PCSK6: variants seen among roughly 807,000 people sequenced by gnomAD.
PCSK6 encodes the protein proprotein convertase subtilisin/kexin type 6, also known as paired basic amino acid cleaving enzyme 4.
In PCSK6, 85 loss-of-function variants were observed where a neutral mutation model predicts 123.3. That is an observed-to-expected ratio of 0.69 (90% confidence interval 0.58 to 0.83). The LOEUF (loss-of-function observed/expected upper bound fraction) is 0.83. Ranked by LOEUF, PCSK6 falls within the 40% of genes least tolerant of loss-of-function variation. The probability of loss-of-function intolerance (pLI) is 0.00; values close to 1 mark genes in which losing one functional copy is unlikely to be tolerated. For missense variants in PCSK6, 1,191 were observed against 1,282.3 expected, an observed-to-expected ratio of 0.93 and a Z score of 1.09; for synonymous variants, 508 against 516.0, an observed-to-expected ratio of 0.98 and a Z score of 0.21.
intron 5 of PCSK6, 87 bp downstream of exon 5, chr15:101,429,900 G>A (rs1016276963): frequency 7.7e-5 from 90 of 1,174,372 alleles, no homozygotes; most frequent in Middle Eastern, 2.4e-4. Flanking sequence ...GGCAGCCACC[G>A]CCTCTCCAGC....
rs150746156 is a variant in PCSK6, at chr15:101,326,538, C to A, written c.2078-59G>T. The A allele has an allele frequency of 3.2e-5, 46 of 1,434,030 alleles. No individual in the cohort carries two copies. In the African/African-American group the frequency reaches 3.5e-4, roughly 11 times the overall value. The allele number at this position is 1,434,030 out of a possible 1,614,324, so 88.8% of individuals were successfully genotyped here. A position where few individuals can be genotyped will look rare whatever the true frequency, so the allele number is the denominator to read the frequency against. On this transcript the variant is annotated intron_variant, in intron 15 of 21. Coordinates refer to ENST00000611716, the MANE Select transcript of PCSK6 (RefSeq NM_002570.5). ...AGACGCCTTCTCCATCTACTGCAGT[C>A]CCGCGGATCCCTGTGTCAGGATATC...
At chr15:101,423,093 G>A (rs142248823) in intron 6 of PCSK6, among the ~76,000 whole-genome samples, 2 of 152,280 alleles carry the variant, frequency 1.3e-5, no homozygotes, top group Non-Finnish European at 2.9e-5. Flanking sequence ...TGGCCTAGAT[G>A]TTGGAATTAA....
intron 6 of PCSK6, among the ~76,000 whole-genome samples, chr15:101,400,851 T>C (rs373133106): frequency 1.9e-3 from 297 of 152,386 alleles, no homozygotes; most frequent in Middle Eastern, 6.8e-3. Context: ...ATGATTTCGC[T>C]GCAGTAAATT....
At chr15:101,325,557 G>C (rs928757652) in intron 16 of PCSK6, among the ~76,000 whole-genome samples, 1 of 152,230 alleles carries the variant, frequency 6.6e-6, no homozygotes, top group African/African-American at 2.4e-5. Context: ...GTTGGTGGGT[G>C]CATCTGTCAC....
At chr15:101,434,095 C>A (rs2056527000) in intron 2 of PCSK6, among the ~76,000 whole-genome samples, 1 of 152,234 alleles carries the variant, frequency 6.6e-6, no homozygotes, top group Non-Finnish European at 1.5e-5. Context: ...GTTCCTAACA[C>A]CGGCTGATGG....
intron 15 of PCSK6, among the ~76,000 whole-genome samples, chr15:101,329,210 G>A (rs2040323650): frequency 6.6e-6 from 1 of 152,176 alleles, no homozygotes; most frequent in Admixed American, 6.5e-5. Flanking sequence ...AATCCTTTGT[G>A]GAGGAAATCC....
intron 19 of PCSK6, among the ~76,000 whole-genome samples, 200 bp downstream of exon 19, chr15:101,318,119 C>T (rs2040034804): frequency 6.6e-6 from 1 of 152,256 alleles, no homozygotes; most frequent in Non-Finnish European, 1.5e-5. Context: ...CAAGTTGAGA[C>T]TCTGTAACCA....
intron 19 of PCSK6, among the ~76,000 whole-genome samples, chr15:101,314,291 G>A (rs867385976): frequency 7.2e-5 from 11 of 152,212 alleles, no homozygotes; most frequent in Non-Finnish European, 1.6e-4. Context: ...TGGGTCAGAT[G>A]TTGGACTAGT....
intron 18 of PCSK6, among the ~76,000 whole-genome samples, chr15:101,321,202 T>G (rs1259216291): frequency 6.6e-6 from 1 of 152,184 alleles, no homozygotes; most frequent in African/African-American, 2.4e-5. Context: ...TCCTTCCTCT[T>G]CCAACTCTTT....
At chr15:101,321,735 G>C (rs1373988791) in intron 18 of PCSK6, among the ~76,000 whole-genome samples, 2 of 152,268 alleles carry the variant, frequency 1.3e-5, no homozygotes, top group Admixed American at 6.5e-5. Context: ...CCTCACCACT[G>C]CCAGCCTGCG....
intron 11 of PCSK6, among the ~76,000 whole-genome samples, chr15:101,371,300 C>G (rs2141470251): frequency 6.6e-6 from 1 of 152,294 alleles, no homozygotes; most frequent in Non-Finnish European, 1.5e-5. Flanking sequence ...GGCGGCTTCT[C>G]CTCGGTGGCA....
At chr15:101,315,621 TGTG>T (rs1386370860) in intron 19 of PCSK6, among the ~76,000 whole-genome samples, 3 of 152,268 alleles carry the variant, frequency 2.0e-5, no homozygotes, top group Non-Finnish European at 2.9e-5. Context: ...CTTGGTCTGT[TGTG>T]GTGTTTCTCA....
At chr15:101,409,743 C>G (rs1264428851) in intron 6 of PCSK6, among the ~76,000 whole-genome samples, 1 of 152,112 alleles carries the variant, frequency 6.6e-6, no homozygotes, top group African/African-American at 2.4e-5. Flanking sequence ...GGTGAGGGCT[C>G]CACTCACCTC....
chr15:101,394,665 C>T (rs544445663), intron 7 of PCSK6, among the ~76,000 whole-genome samples: 2 of 152,312 alleles, frequency 1.3e-5, no homozygotes, highest in South Asian at 4.1e-4. Flanking sequence ...ACCAATTCTG[C>T]AATCCCCGTA....
At chr15:101,359,728 C>T (rs749511917) in intron 13 of PCSK6, among the ~76,000 whole-genome samples, 12 of 152,234 alleles carry the variant, frequency 7.9e-5, no homozygotes, top group Non-Finnish European at 1.6e-4. Flanking sequence ...CGGTTCCGTG[C>T]TGTGCACCAC....
At chr15:101,479,755 C>T (rs758234527) in intron 1 of PCSK6, among the ~76,000 whole-genome samples, 7 of 152,154 alleles carry the variant, frequency 4.6e-5, no homozygotes, top group African/African-American at 9.7e-5. Flanking sequence ...TTATCCAACA[C>T]GAGGCAGCCC....
At chr15:101,438,510 G>A (rs2141138568) in intron 2 of PCSK6, among the ~76,000 whole-genome samples, 1 of 152,314 alleles carries the variant, frequency 6.6e-6, no homozygotes, top group Admixed American at 6.5e-5. Context: ...ATGTGGCCTT[G>A]ACCCTCGATA....
At chr15:101,366,477 C>A (rs1292493186) in intron 12 of PCSK6, 145 bp from the exon 13 acceptor site, 3 of 677,648 alleles carry the variant, frequency 4.4e-6, no homozygotes, top group Non-Finnish European at 7.1e-6. Flanking sequence ...CCCCAGCCAA[C>A]CCGAGGGCAA....
Position 101,489,527 on chromosome 15 carries a change from G to A in PCSK6, c.144C>T (p.Pro48=). The change falls in exon 1 of 22, where the codon CCC becomes CCT. Residue 48 remains proline (P), a synonymous_variant. Coordinates refer to ENST00000611716, the MANE Select transcript of PCSK6 (RefSeq NM_002570.5). ...GCGCCAGCAGCAGCAGCCAGCGCCA[G>A]GGACGCGGCGCGAGCGGCCGGAACC... ...GPGFRPLAPR[P]WRWLLLLALP... is the part of the protein sequence containing the mutation. The A allele has an allele frequency of 3.9e-6, 4 of 1,018,784 alleles. No individual in the cohort carries two copies. Among genetic ancestry groups the A allele is most frequent in the Non-Finnish European group, 4.7e-6 (4 of 854,068 alleles). 63.1% of individuals were successfully genotyped at this position (1,018,784 alleles called of 1,614,324 possible).
Sources: gnomAD v4.1 joint callset for allele counts (sites outside exome capture counted in the v4.1 genomes callset) on GRCh38, gnomAD v4.1.1 for gene constraint, MANE v1.5 for transcripts, NCBI Gene and HGNC (gene_info 2026-07-23, HGNC 2026-07-21) for gene names.